Variants in ADGRL2 observed in about 807,000 individuals in gnomAD.
ADGRL2 encodes adhesion G protein-coupled receptor L2.
ADGRL2 carries 44 observed loss-of-function variants against 157.4 expected under a neutral mutation model. The observed-to-expected ratio is 0.28, with a 90% CI of 0.22 to 0.36. The LOEUF (loss-of-function observed/expected upper bound fraction) is 0.36. Among genes scored for constraint, ADGRL2 ranks in the 10% least tolerant of loss-of-function variants. The pLI, the probability that ADGRL2 is intolerant of heterozygous loss-of-function variation, is 1.00. For missense variants in ADGRL2, 1,510 were observed against 1,768.9 expected (o/e 0.85, Z 2.63); for synonymous variants, 585 against 624.7 (o/e 0.94, Z 0.95).
intron 2 of ADGRL2, among the ~76,000 whole-genome samples, chr1:81,781,978 T>G (rs1419787842): frequency 6.6e-6 from 1 of 152,166 alleles, no homozygotes; most frequent in South Asian, 2.1e-4. Context: ...GCAGACAAAG[T>G]CAGAGCCATG....
At chr1:81,628,947 C>T (rs570383551) in intron 3 of ADGRL2, among the ~76,000 whole-genome samples, 58 of 152,266 alleles carry the variant, frequency 3.8e-4, no homozygotes, top group African/African-American at 1.3e-3. Flanking sequence ...AAAGCTCTTA[C>T]ATTTAGAGGA....
At position 81,398,268 on chromosome 1, in the gene ADGRL2, TA is replaced by T. The variant is rs749490101; in HGVS notation, c.-301-46766del. On this transcript the variant is annotated intron_variant, in intron 1 of 24. Transcript: ENST00000370721. ...TTTTTTTTTACATTCTGTCACTGTA[TA>T]ACTTTTAAGTAAGGAATGTAATTTG... 8.7e-4 allele frequency among the ~76,000 whole-genome samples: 132 copies of T among 152,302 alleles called. 1 individual carries two copies. Among genetic ancestry groups the T allele is most frequent in the Middle Eastern group, 3.4e-3 (1 of 294 alleles).
At chr1:81,847,404 T>TATTAAAATGTTTGGTC (rs1205567861) in intron 2 of ADGRL2, among the ~76,000 whole-genome samples, 3 of 151,948 alleles carry the variant, frequency 2.0e-5, no homozygotes, top group Non-Finnish European at 4.4e-5. Context: ...GAGTTTTGGT[T>TATTAAAATGTTTGGTC]ATTAAAATGT....
At chr1:81,939,124 T>A (rs1232035796) in intron 4 of ADGRL2, among the ~76,000 whole-genome samples, 1 of 151,580 alleles carries the variant, frequency 6.6e-6, no homozygotes, top group Non-Finnish European at 1.5e-5. Context: ...TAAGAAGGTT[T>A]TCAAGACTTC....
chr1:81,596,833 C>CTTAA (rs2081244282), intron 3 of ADGRL2, among the ~76,000 whole-genome samples: 1 of 152,034 alleles, frequency 6.6e-6, no homozygotes, highest in Non-Finnish European at 1.5e-5. Context: ...AGCTTTCTGC[C>CTTAA]TTAATATTTG....
intron 2 of ADGRL2, among the ~76,000 whole-genome samples, chr1:81,864,329 A>G (rs928382727): frequency 6.6e-6 from 1 of 152,074 alleles, no homozygotes; most frequent in Non-Finnish European, 1.5e-5. Flanking sequence ...GTTGGCAAAT[A>G]CGTATATATT....
chr1:81,604,914 G>A (rs1254032337), intron 3 of ADGRL2, among the ~76,000 whole-genome samples: 1 of 152,172 alleles, frequency 6.6e-6, no homozygotes, highest in East Asian at 1.9e-4. Context: ...CACACTTTGA[G>A]AAAGATATTA....
chr1:81,813,166 A>G (rs989378634), intron 1 of ADGRL2, among the ~76,000 whole-genome samples: 8 of 151,668 alleles, frequency 5.3e-5, no homozygotes, highest in African/African-American at 1.4e-4. Flanking sequence ...AATCAATTCC[A>G]GTCTTTTCAT....
intron 2 of ADGRL2, among the ~76,000 whole-genome samples, chr1:81,762,985 G>GAGCTTGC (rs1047676478): frequency 6.7e-6 from 1 of 148,350 alleles, no homozygotes; most frequent in African/African-American, 2.5e-5. Flanking sequence ...CCAGGAGGTG[G>GAGCTTGC]AGCTTGCAGT....
intron 1 of ADGRL2, among the ~76,000 whole-genome samples, chr1:81,709,820 G>A (rs559186349): frequency 1.1e-4 from 16 of 152,072 alleles, no homozygotes; most frequent in East Asian, 5.8e-4. Context: ...AAAAATTTTC[G>A]AAACATGTTA....
In ADGRL2 at chr1:81,325,383, C is replaced by A. The variant is rs1011591423; in HGVS notation, c.-302+18874C>A. The stretch of plus-strand genomic sequence containing the variant: ...CACTGAACTGGAGTCTTTTTCAACA[C>A]TATTGTGTTGAATTTCAGCTATAAA... On this transcript the variant is annotated intron_variant, in intron 1 of 24. Coordinates refer to the ADGRL2 transcript ENST00000370721. Among the ~76,000 whole-genome samples, 3 of 152,256 alleles carry A rather than the reference C, an allele frequency of 2.0e-5. No homozygotes were observed. In the South Asian group the frequency reaches 6.2e-4, roughly 32 times the overall value.
intron 2 of ADGRL2, among the ~76,000 whole-genome samples, chr1:81,766,705 C>A (rs913137369): frequency 4.6e-5 from 7 of 151,714 alleles, no homozygotes; most frequent in Non-Finnish European, 1.0e-4. Flanking sequence ...TGGCACATGC[C>A]TGTAATCCCA....
chr1:81,713,003 C>G (rs973372854), intron 1 of ADGRL2, among the ~76,000 whole-genome samples: 1 of 151,976 alleles, frequency 6.6e-6, no homozygotes, highest in Non-Finnish European at 1.5e-5. Context: ...GGTGATCCGC[C>G]CATCTTGGCC....
intron 2 of ADGRL2, among the ~76,000 whole-genome samples, chr1:81,566,998 G>A (rs1337471797): frequency 2.0e-5 from 3 of 151,944 alleles, no homozygotes; most frequent in Non-Finnish European, 2.9e-5. Context: ...AATAAATTTC[G>A]TAGTATCTGT....
At chr1:81,401,907 A>G (rs1357895789) in intron 1 of ADGRL2, among the ~76,000 whole-genome samples, 1 of 152,228 alleles carries the variant, frequency 6.6e-6, no homozygotes, top group Non-Finnish European at 1.5e-5. Flanking sequence ...CTCCTTAAAG[A>G]TAATAACTTG....
In ADGRL2 at chr1:81,529,267, G is replaced by T. The variant is rs139204223; in HGVS notation, c.-247-51609G>T. Among the ~76,000 whole-genome samples the T allele has an allele frequency of 3.8e-4, 58 of 152,324 alleles. 1 individual carries two copies. Among genetic ancestry groups the T allele is most frequent in the African/African-American group, 1.3e-3 (54 of 41,568 alleles). On this transcript the variant is annotated intron_variant, in intron 2 of 24. Coordinates refer to the ADGRL2 transcript ENST00000370721. ...TATAGTGCAGAGGTGAAGGACAGTG[G>T]AAAGAAGGGAGGAACTGATTTGGGA...
chr1:81,930,647 A>G (rs1427647663), intron 3 of ADGRL2, among the ~76,000 whole-genome samples: 1 of 152,166 alleles, frequency 6.6e-6, no homozygotes, highest in African/African-American at 2.4e-5. Context: ...ACTTACTCTA[A>G]TTTTTGTAAT....
At chr1:81,684,072 C>T (rs1311395616) in intron 3 of ADGRL2, among the ~76,000 whole-genome samples, 2 of 152,180 alleles carry the variant, frequency 1.3e-5, no homozygotes, top group African/African-American at 4.8e-5. Flanking sequence ...GCCTCAGCCT[C>T]CCGAAGTGCT....
At chr1:81,959,172 G>A (rs1436253643) in intron 11 of ADGRL2, among the ~76,000 whole-genome samples, 1 of 152,078 alleles carries the variant, frequency 6.6e-6, no homozygotes, top group African/African-American at 2.4e-5. Context: ...CCAATATTTA[G>A]GATTGGCAGT....
Sources: gnomAD v4.1 joint callset for allele counts (sites outside exome capture counted in the v4.1 genomes callset) on GRCh38, gnomAD v4.1.1 for gene constraint, MANE v1.5 for transcripts, NCBI Gene and HGNC (gene_info 2026-07-23, HGNC 2026-07-21) for gene names.